MAOB: variants seen among roughly 807,000 people sequenced by gnomAD.
The protein encoded by MAOB is monoamine oxidase B.
A neutral mutation model predicts 41.9 loss-of-function variants in MAOB; 15 were observed. The ratio of observed to expected loss-of-function variants is 0.36; its 90% confidence interval spans 0.24 to 0.55. The LOEUF is 0.55. Among genes scored for constraint, MAOB ranks in the 20% least tolerant of loss-of-function variants. The pLI, the probability that MAOB is intolerant of heterozygous loss-of-function variation, is 0.86. For missense variants in MAOB, 345 were observed against 398.7 expected, an observed-to-expected ratio of 0.87 and a Z score of 1.15; for synonymous variants, 167 against 144.2, an observed-to-expected ratio of 1.16 and a Z score of -1.13.
chrX:43,858,390 A>T (rs1045618144), intron 1 of MAOB, among the ~76,000 whole-genome samples: 1 of 110,994 alleles, frequency 9.0e-6, no homozygotes, highest in Non-Finnish European at 1.9e-5. Context: ...GCCCTCTGCC[A>T]ACCTCTCTAG....
At chrX:43,868,567 G>C (rs956521223) in intron 1 of MAOB, among the ~76,000 whole-genome samples, 1 of 111,176 alleles carries the variant, frequency 9.0e-6, no homozygotes, top group Non-Finnish European at 1.9e-5. Context: ...AGACACTGAC[G>C]GTTCCTGTGT....
intron 3 of MAOB, among the ~76,000 whole-genome samples, chrX:43,807,774 C>A (rs1197649527): frequency 8.9e-6 from 1 of 112,223 alleles, no homozygotes; most frequent in Non-Finnish European, 1.9e-5. Context: ...TAATTATAAT[C>A]TTTGTATGCC....
chrX:43,788,908 T>A (rs766874222), intron 8 of MAOB, among the ~76,000 whole-genome samples: 1 of 111,137 alleles, frequency 9.0e-6, no homozygotes, highest in African/African-American at 3.3e-5. Context: ...ACACATATAT[T>A]TAAAGTACAG....
At chrX:43,768,743 T>C in intron 13 of MAOB, 27 bp from the exon 14 acceptor site, 3 of 1,131,784 alleles carry the variant, frequency 2.7e-6, no homozygotes, top group African/African-American at 1.8e-5. Context: ...CACTGGCAAA[T>C]AGCAAAAGTG....
At chrX:43,850,509 C>A (rs970764038) in intron 1 of MAOB, 38 of 748,140 alleles carry the variant, frequency 5.1e-5, no homozygotes, top group Non-Finnish European at 5.5e-5. Context: ...GAGAATGCAC[C>A]AGTCACAATT....
At chrX:43,821,121 A>G (rs1206619604) in intron 3 of MAOB, among the ~76,000 whole-genome samples, 1 of 111,691 alleles carries the variant, frequency 9.0e-6, no homozygotes, top group African/African-American at 3.3e-5. Context: ...TTCTACACAC[A>G]CCTTGAGCCT....
At position 43,882,270 on chromosome X, in the gene MAOB, C is replaced by G. The variant is rs146181585; in HGVS notation, c.30G>C (p.Val10=). The G allele has an allele frequency of 3.3e-6, 4 of 1,209,720 alleles. No homozygotes were observed. Among genetic ancestry groups the G allele is most frequent in the South Asian group, 1.8e-5 (1 of 56,502 alleles). ...GCGACTAACCTGAGATGCCGCCCCC[C>G]ACCACGACCACGTCGCATTTGTTGC... The part of the protein sequence containing the change: MSNKCDVVV[V]GGGISGMAAA... Residue 10 remains valine (V), a synonymous_variant, in exon 1 of 15, where the codon GTG becomes GTC. Coordinates refer to ENST00000378069, the MANE Select transcript of MAOB (RefSeq NM_000898.5).
intron 3 of MAOB, chrX:43,838,121 C>A (rs988553358): frequency 2.6e-4 from 63 of 241,570 alleles, no homozygotes; most frequent in African/African-American, 1.7e-3. Context: ...CTTCCCCCGC[C>A]CACCAAACCC....
Position 43,776,149 on chromosome X carries a change from C to T in MAOB, c.1138-877G>A, listed in dbSNP as rs770851823. ...CGGCTACATCCACCTCCTAAGCAAG[C>T]TTCTCTGGCTGTCTCCAGCCAATCA... On this transcript the variant is annotated intron_variant, in intron 11 of 14. Transcript: ENST00000378069. Among the ~76,000 whole-genome samples the T allele has an allele frequency of 3.6e-5, 4 of 112,141 alleles. No homozygotes were observed. The South Asian group carries it at 1.5e-3, about 42-fold the overall frequency.
intron 2 of MAOB, among the ~76,000 whole-genome samples, chrX:43,843,234 G>A (rs187492814): frequency 1.8e-5 from 2 of 110,737 alleles, no homozygotes; most frequent in Non-Finnish European, 3.8e-5. Context: ...ATGGGAGAAA[G>A]TCTCTCCAAA....
At chrX:43,823,808 CTCTT>C (rs1437709999) in intron 3 of MAOB, among the ~76,000 whole-genome samples, 6 of 112,079 alleles carry the variant, frequency 5.4e-5, no homozygotes, top group Non-Finnish European at 1.1e-4. Context: ...CTAGTATTTT[CTCTT>C]TCTTTGATCT....
chrX:43,850,593 G>T, intron 1 of MAOB: 1 of 320,057 alleles, frequency 3.1e-6, no homozygotes, highest in Non-Finnish European at 4.1e-6. Context: ...TCATTGAGAA[G>T]CAATGTTTAG....
At chrX:43,844,345 A>G (rs764812252) in intron 1 of MAOB, 4 of 112,173 alleles carry the variant, frequency 3.6e-5, no homozygotes, top group African/African-American at 9.7e-5. Flanking sequence ...TTAATTATTA[A>G]TTTAGTCAAA....
chrX:43,768,789 T>A, intron 13 of MAOB, 73 bp from the exon 14 acceptor site: 1 of 857,549 alleles, frequency 1.2e-6, no homozygotes, highest in Non-Finnish European at 1.7e-6. Flanking sequence ...CCTAAAGGAC[T>A]AAGTAACTGT....
chrX:43,859,438 G>A (rs2035318176), intron 1 of MAOB, among the ~76,000 whole-genome samples: 1 of 111,498 alleles, frequency 9.0e-6, no homozygotes, highest in South Asian at 3.8e-4. Context: ...GTACAAAATG[G>A]CTGCTTTATA....
intron 10 of MAOB, among the ~76,000 whole-genome samples, chrX:43,779,115 C>T (rs1387482332): frequency 8.9e-6 from 1 of 111,773 alleles, no homozygotes; most frequent in East Asian, 2.8e-4. Context: ...CTCTCTCTTT[C>T]TGTCTTTTTC....
Position 43,802,171 on chromosome X carries a change from C to T in MAOB, c.476+1G>A. The T allele has an allele frequency of 8.3e-7, 1 of 1,202,082 alleles. No individual in the cohort carries two copies. Among genetic ancestry groups the T allele is most frequent in the East Asian group, 3.0e-5 (1 of 33,690 alleles). ...TGCCTGTGCCTAATGGCAAGACTTA[C>T]TCAGTCCAGCAGAGCTTGTCCAGTA... On this transcript the variant is annotated splice_donor_variant, in intron 5 of 14. Coordinates refer to ENST00000378069, the MANE Select transcript of MAOB (RefSeq NM_000898.5). LOFTEE classifies it high-confidence loss of function.
chrX:43,778,634 C>T (rs746979336), intron 11 of MAOB, 48 bp downstream of exon 11: 22 of 1,049,383 alleles, frequency 2.1e-5, no homozygotes, highest in Admixed American at 1.0e-4. Flanking sequence ...CACTTGGGGA[C>T]AAAGAAAGGC....
chrX:43,795,352 A>G (rs768344175), intron 7 of MAOB, among the ~76,000 whole-genome samples: 1 of 112,433 alleles, frequency 8.9e-6, no homozygotes, highest in East Asian at 2.8e-4. Flanking sequence ...TGGAGCTTTC[A>G]TGCCCTCCCC....
Sources: allele counts gnomAD v4.1 joint callset (sites outside exome capture counted in the v4.1 genomes callset), GRCh38; gene constraint gnomAD v4.1.1; transcripts MANE v1.5; gene names NCBI Gene and HGNC (gene_info 2026-07-23, HGNC 2026-07-21).